PACRG: variants seen among roughly 807,000 people sequenced by gnomAD.
The protein encoded by PACRG is parkin coregulated gene protein.
PACRG carries 29 observed loss-of-function variants against 29.7 expected under a neutral mutation model. The ratio of observed to expected loss-of-function variants is 0.98; its 90% CI spans 0.73 to 1.33. The LOEUF (loss-of-function observed/expected upper bound fraction) is 1.33. PACRG is among the 40% of genes most tolerant of loss of function. PACRG has a pLI of 0.00. For missense variants in PACRG, 279 were observed against 316.2 expected (o/e 0.88, Z 0.89); for synonymous variants, 116 against 118.7 (o/e 0.98, Z 0.15).
At chr6:162,844,668 C>T (rs1277321048) in intron 2 of PACRG, among the ~76,000 whole-genome samples, 2 of 152,324 alleles carry the variant, frequency 1.3e-5, no homozygotes, top group African/African-American at 4.8e-5. Flanking sequence ...CTGGGTGAAT[C>T]TTCAATTACA....
intron 1 of PACRG, among the ~76,000 whole-genome samples, chr6:162,798,871 T>C (rs1785602308): frequency 6.6e-6 from 1 of 152,230 alleles, no homozygotes; most frequent in Non-Finnish European, 1.5e-5. Context: ...TACAAGTATA[T>C]GGAATGCCTA....
intron 2 of PACRG, among the ~76,000 whole-genome samples, chr6:162,872,642 C>A (rs1015977443): frequency 6.6e-6 from 1 of 152,096 alleles, no homozygotes; most frequent in African/African-American, 2.4e-5. Flanking sequence ...AAAACGTTCA[C>A]AGGAAAGAAG....
In PACRG at chr6:162,728,042, G is replaced by T. The variant is rs900280400; in HGVS notation, c.-194G>T. ...CTAGCCAAGGTCCTGCCCTCTTCCC[G>T]CCCCGCCCCTAGGGTCCAGCTCCCT... On this transcript the variant is annotated 5_prime_UTR_variant, in exon 1 of 5. Transcript: ENST00000366888. The T allele has an allele frequency of 1.1e-5, 8 of 709,050 alleles. No homozygotes were observed. The African/African-American group carries it at 1.4e-4, about 13-fold the overall frequency. 43.9% of individuals were successfully genotyped at this position (709,050 alleles called of 1,614,324 possible). A position where few individuals can be genotyped will look rare whatever the true frequency, so the allele number is the denominator to read the frequency against.
intron 4 of PACRG, among the ~76,000 whole-genome samples, chr6:163,095,999 A>G (rs1167532334): frequency 6.6e-6 from 1 of 152,162 alleles, no homozygotes; most frequent in Non-Finnish European, 1.5e-5. Flanking sequence ...TGCTGTAACT[A>G]GTGTTACTGA....
chr6:162,740,691 C>T (rs1309030392), intron 1 of PACRG, among the ~76,000 whole-genome samples: 1 of 151,580 alleles, frequency 6.6e-6, no homozygotes. Context: ...CCTCTGCCCC[C>T]TGGGTTCAAG....
intron 2 of PACRG, among the ~76,000 whole-genome samples, chr6:162,928,192 G>A (rs1478529473): frequency 6.6e-6 from 1 of 151,846 alleles, no homozygotes; most frequent in Non-Finnish European, 1.5e-5. Context: ...CAACCTCTTT[G>A]TTCATCATTG....
chr6:163,301,372 C>T (rs1011029356), intron 4 of PACRG, among the ~76,000 whole-genome samples: 18 of 152,164 alleles, frequency 1.2e-4, no homozygotes, highest in Admixed American at 7.2e-4. Flanking sequence ...TGAAGGAAAA[C>T]GGAACGATTA....
Position 162,814,188 on chromosome 6 carries a change from A to C in PACRG, c.198A>C (p.Pro66=). The change falls in exon 2 of 5, where the codon CCA becomes CCC. Residue 66 remains proline (P), a synonymous_variant. Transcript: ENST00000366888. ...PPAAGAFKER[P]TKPTAFRKFY... is the part of the protein sequence containing the mutation. ...CTGCAGGGGCATTTAAAGAAAGACC[A>C]ACCAAGCCCACAGCATTTCGAAAAT... 6.2e-7 allele frequency: 1 copy of C among 1,613,672 alleles called. No individual in the cohort carries two copies. The highest frequency in any genetic ancestry group is 2.2e-5 in the East Asian group (1 of 44,870).
chr6:162,906,187 A>C (rs1188672677), intron 2 of PACRG, among the ~76,000 whole-genome samples: 1 of 152,376 alleles, frequency 6.6e-6, no homozygotes, highest in Non-Finnish European at 1.5e-5. Flanking sequence ...AAAAGGAATT[A>C]AAATAATTAC....
chr6:163,312,065 C>T (rs1337071306), intron 4 of PACRG, among the ~76,000 whole-genome samples: 1 of 152,140 alleles, frequency 6.6e-6, no homozygotes, highest in African/African-American at 2.4e-5. Flanking sequence ...TCACAGCAGC[C>T]ACAACTCAGC....
At chr6:162,982,567 T>G (rs1215399232) in intron 2 of PACRG, among the ~76,000 whole-genome samples, 1 of 152,092 alleles carries the variant, frequency 6.6e-6, no homozygotes, top group Non-Finnish European at 1.5e-5. Flanking sequence ...GACCCAAAGA[T>G]CATTCAGGAG....
At chr6:162,889,370 T>C (rs1233944467) in intron 2 of PACRG, among the ~76,000 whole-genome samples, 5 of 152,178 alleles carry the variant, frequency 3.3e-5, no homozygotes, top group Non-Finnish European at 7.4e-5. Flanking sequence ...AAACCCAGCT[T>C]TAAATGTTAT....
At chr6:163,263,456 G>C (rs1783415105) in intron 4 of PACRG, among the ~76,000 whole-genome samples, 1 of 152,166 alleles carries the variant, frequency 6.6e-6, no homozygotes. Flanking sequence ...ACCAGACCCT[G>C]CTGTGGAGAA....
intron 4 of PACRG, among the ~76,000 whole-genome samples, chr6:163,154,182 G>T (rs1379322423): frequency 6.6e-6 from 1 of 152,196 alleles, no homozygotes; most frequent in East Asian, 1.9e-4. Flanking sequence ...CCTCTGCGGA[G>T]CTGGACGTGC....
At chr6:163,203,379 C>T (rs537455521) in intron 4 of PACRG, among the ~76,000 whole-genome samples, 36 of 152,320 alleles carry the variant, frequency 2.4e-4, no homozygotes, top group Non-Finnish European at 4.3e-4. Context: ...CGCCATTGCA[C>T]TCCAGCCGGG....
intron 2 of PACRG, among the ~76,000 whole-genome samples, chr6:162,916,602 C>T (rs909652791): frequency 6.6e-6 from 1 of 152,016 alleles, no homozygotes; most frequent in Admixed American, 6.6e-5. Flanking sequence ...CTATTTTATA[C>T]AAGCCATGTT....
intron 4 of PACRG, among the ~76,000 whole-genome samples, chr6:163,209,719 A>G (rs1329942862): frequency 2.6e-5 from 4 of 152,254 alleles, no homozygotes; most frequent in African/African-American, 4.8e-5. Flanking sequence ...TATCCAAGCC[A>G]TAATTTGATG....
chr6:162,752,629 T>C (rs1461117509), intron 1 of PACRG, among the ~76,000 whole-genome samples: 2 of 152,192 alleles, frequency 1.3e-5, no homozygotes. Flanking sequence ...GAACATAGCA[T>C]CTATGTACTT....
intron 4 of PACRG, among the ~76,000 whole-genome samples, chr6:163,188,228 C>G (rs568114350): frequency 6.6e-6 from 1 of 152,306 alleles, no homozygotes; most frequent in East Asian, 1.9e-4. Context: ...AAAGCTCTCC[C>G]AAGTCACTCT....
Sources: allele counts gnomAD v4.1 joint callset (sites outside exome capture counted in the v4.1 genomes callset), GRCh38; gene constraint gnomAD v4.1.1; transcripts MANE v1.5; gene names NCBI Gene and HGNC (gene_info 2026-07-23, HGNC 2026-07-21).